Variants in SEMA6D observed in about 807,000 individuals in gnomAD.
SEMA6D encodes semaphorin 6D.
SEMA6D carries 35 observed loss-of-function variants against 106.6 expected under a neutral mutation model. That is an observed-to-expected ratio of 0.33 (90% CI 0.25 to 0.44). The LOEUF is 0.44. SEMA6D is among the 20% of genes least tolerant of loss of function. The pLI, the probability that SEMA6D is intolerant of heterozygous loss-of-function variation, is 1.00. For synonymous variants in SEMA6D, 499 were observed against 487.7 expected (o/e 1.02, Z -0.31); for missense variants, 1,185 against 1,345.9 (o/e 0.88, Z 1.87).
intron 4 of SEMA6D, among the ~76,000 whole-genome samples, chr15:47,627,086 G>GAATGGTAAT: frequency 6.6e-6 from 1 of 152,292 alleles, no homozygotes; most frequent in African/African-American, 2.4e-5. Flanking sequence ...TTTGGTACAA[G>GAATGGTAAT]AATGGTAATT....
chr15:47,582,304 A>C (rs1344188751), intron 3 of SEMA6D, among the ~76,000 whole-genome samples: 1 of 152,224 alleles, frequency 6.6e-6, no homozygotes, highest in East Asian at 1.9e-4. Context: ...ATCTCTTGAC[A>C]GTGGATTACG....
intron 1 of SEMA6D, among the ~76,000 whole-genome samples, chr15:47,194,481 T>C (rs1894196293): frequency 6.6e-6 from 1 of 151,806 alleles, no homozygotes; most frequent in Non-Finnish European, 1.5e-5. Flanking sequence ...AGGGTTGAGG[T>C]GGAAGTATTA....
At chr15:47,210,172 C>G (rs978916519) in intron 1 of SEMA6D, among the ~76,000 whole-genome samples, 4 of 152,126 alleles carry the variant, frequency 2.6e-5, no homozygotes, top group Non-Finnish European at 5.9e-5. Flanking sequence ...AGGGACTTTT[C>G]ACTAGCTTTT....
chr15:47,521,313 T>C (rs2044569718), intron 3 of SEMA6D, among the ~76,000 whole-genome samples: 1 of 152,180 alleles, frequency 6.6e-6, no homozygotes, highest in Non-Finnish European at 1.5e-5. Context: ...CGGAACCTTG[T>C]AGAGAAGGCA....
At chr15:47,516,932 C>A (rs927586109) in intron 3 of SEMA6D, among the ~76,000 whole-genome samples, 2 of 152,038 alleles carry the variant, frequency 1.3e-5, no homozygotes, top group African/African-American at 4.8e-5. Flanking sequence ...ACTTTAAATG[C>A]CCAATAAGAG....
chr15:47,749,846 G>A (rs889978742), intron 1 of SEMA6D, among the ~76,000 whole-genome samples: 3 of 152,064 alleles, frequency 2.0e-5, no homozygotes, highest in Non-Finnish European at 4.4e-5. Flanking sequence ...CACATCCAAC[G>A]GGCAAGCATG....
chr15:47,761,466 C>A, intron 6 of SEMA6D, 35 bp downstream of exon 6: 1 of 1,518,928 alleles, frequency 6.6e-7, no homozygotes, highest in South Asian at 1.2e-5. Context: ...TTCTTTTGAT[C>A]AACTTTTCTC....
At chr15:47,322,555 A>C (rs1369417935) in intron 1 of SEMA6D, among the ~76,000 whole-genome samples, 1 of 152,132 alleles carries the variant, frequency 6.6e-6, no homozygotes, top group Admixed American at 6.6e-5. Context: ...TCAGCGAATC[A>C]TATCGGGGAT....
In SEMA6D at chr15:47,562,860, T is replaced by C. The variant is rs76185570; in HGVS notation, c.-86-38005T>C. 5.4e-3 allele frequency among the ~76,000 whole-genome samples: 822 copies of C among 152,226 alleles called. 12 individuals carry two copies. The highest frequency in any genetic ancestry group is 0.019 in the African/African-American group (793 of 41,552). On this transcript the variant is annotated intron_variant, in intron 3 of 19. Coordinates refer to the SEMA6D transcript ENST00000558014. ...TACCTAAGAGAAATATTAAAACATA[T>C]ATCCAAACAACAACTTGTTTGAGAA... is the stretch of plus-strand genomic sequence containing the variant.
intron 3 of SEMA6D, among the ~76,000 whole-genome samples, chr15:47,554,638 C>T (rs2045863925): frequency 6.6e-6 from 1 of 152,202 alleles, no homozygotes; most frequent in African/African-American, 2.4e-5. Context: ...AGACATGGAG[C>T]TGTGAAGCCA....
At chr15:47,693,242 C>T (rs2145793363) in intron 4 of SEMA6D, among the ~76,000 whole-genome samples, 1 of 152,162 alleles carries the variant, frequency 6.6e-6, no homozygotes. Context: ...AGGAGACCAC[C>T]ATCTACAAGT....
At chr15:47,337,515 A>T (rs2037615179) in intron 1 of SEMA6D, among the ~76,000 whole-genome samples, 1 of 151,984 alleles carries the variant, frequency 6.6e-6, no homozygotes, top group African/African-American at 2.4e-5. Flanking sequence ...AGGGCTATTT[A>T]AAAAAAACAG....
intron 4 of SEMA6D, among the ~76,000 whole-genome samples, chr15:47,704,038 C>T (rs560589393): frequency 9.4e-4 from 143 of 152,228 alleles, no homozygotes; most frequent in African/African-American, 3.3e-3. Context: ...CATACATATG[C>T]GCTCATATAT....
intron 1 of SEMA6D, among the ~76,000 whole-genome samples, chr15:47,200,870 C>T (rs775447020): frequency 1.3e-5 from 2 of 152,180 alleles, no homozygotes; most frequent in Non-Finnish European, 2.9e-5. Flanking sequence ...CAAAATCATT[C>T]TTCATTGATT....
At chr15:47,508,533 A>T (rs2044125864) in intron 3 of SEMA6D, among the ~76,000 whole-genome samples, 1 of 152,190 alleles carries the variant, frequency 6.6e-6, no homozygotes, top group African/African-American at 2.4e-5. Flanking sequence ...AGAATAGTTT[A>T]TTGGCTCAAC....
chr15:47,301,680 T>C lies in SEMA6D; in HGVS notation c.-238-110713T>C, dbSNP rs138283058. Among the ~76,000 whole-genome samples the C allele has an allele frequency of 8.9e-4, 136 of 152,334 alleles. 3 individuals carry two copies. In the East Asian group the frequency reaches 0.025, roughly 28 times the overall value. ...CTTTCTCTGCACTGACAGCTGCTGC[T>C]GCCACTCTCTGCCAGGTGATTTTCC... On this transcript the variant is annotated intron_variant, in intron 1 of 19. Coordinates refer to the SEMA6D transcript ENST00000558014.
intron 9 of SEMA6D, 135 bp downstream of exon 9, chr15:47,763,239 G>T (rs1214077957): frequency 1.4e-5 from 8 of 572,304 alleles, no homozygotes; most frequent in Non-Finnish European, 1.8e-5. Flanking sequence ...CTGCAGAGAG[G>T]TGGGTTGCTT....
At position 47,698,163 on chromosome 15, in the gene SEMA6D, A is replaced by G. The variant is rs1422443479; in HGVS notation, c.-54-61582A>G. On this transcript the variant is annotated intron_variant, in intron 4 of 19. Coordinates refer to the SEMA6D transcript ENST00000558014. ...AGTTTAGGGAGATCCCTTTGAGATT[A>G]CATATTTTTTCATTATCCAAAAATA... is the stretch of plus-strand genomic sequence containing the variant. Among the ~76,000 whole-genome samples, 3 of 152,142 alleles carry G rather than the reference A, an allele frequency of 2.0e-5. No homozygotes were observed. In the East Asian group the frequency reaches 5.8e-4, roughly 29 times the overall value.
intron 1 of SEMA6D, among the ~76,000 whole-genome samples, chr15:47,212,199 C>T (rs970380833): frequency 1.3e-5 from 2 of 152,140 alleles, no homozygotes; most frequent in Non-Finnish European, 2.9e-5. Context: ...AAATTTAGGA[C>T]ATATGCAAGG....
Sources: gnomAD v4.1 joint callset for allele counts (sites outside exome capture counted in the v4.1 genomes callset) on GRCh38, gnomAD v4.1.1 for gene constraint, MANE v1.5 for transcripts, NCBI Gene and HGNC (gene_info 2026-07-23, HGNC 2026-07-21) for gene names.